AP1G1: variants seen among roughly 807,000 people sequenced by gnomAD.
AP1G1 encodes adaptor related protein complex 1 subunit gamma 1.
Under a neutral mutation model 108.3 loss-of-function variants are expected in AP1G1, and 7 were observed. The observed-to-expected ratio is 0.06, with a 90% CI of 0.04 to 0.12. The LOEUF (loss-of-function observed/expected upper bound fraction) is 0.12, where lower values mean the gene tolerates loss of function less well. Ranked by LOEUF, AP1G1 falls within the 10% of genes least tolerant of loss-of-function variation. AP1G1 has a pLI of 1.00. For synonymous variants in AP1G1, 379 were observed against 353.5 expected (o/e 1.07, Z -0.81); for missense variants, 756 against 1,010.7 (o/e 0.75, Z 3.42).
chr16:71,777,938 T>C, intron 2 of AP1G1: 2 of 182,884 alleles, frequency 1.1e-5, no homozygotes, highest in South Asian at 9.9e-5. Flanking sequence ...ATTGTGACAG[T>C]GGTGGCGGCA....
intron 3 of AP1G1, among the ~76,000 whole-genome samples, chr16:71,774,058 T>A (rs2031679407): frequency 7.3e-6 from 1 of 137,376 alleles, no homozygotes; most frequent in African/African-American, 2.8e-5. Context: ...CGAGACTCCG[T>A]CTCAAAAAGA....
At chr16:71,767,189 C>G (rs9930015) in intron 6 of AP1G1, among the ~76,000 whole-genome samples, 131,022 of 152,148 alleles carry the variant, frequency 0.86, 56,568 homozygotes, top group East Asian at 0.99. Flanking sequence ...CATCACATAA[C>G]ATTACCCTGG....
intron 13 of AP1G1, 77 bp downstream of exon 13, chr16:71,753,756 T>C: frequency 7.5e-7 from 1 of 1,330,360 alleles, no homozygotes; most frequent in Non-Finnish European, 1.1e-6. Context: ...CTTACCTCCC[T>C]GACTAGAACA....
intron 21 of AP1G1, 134 bp from the exon 22 acceptor site, chr16:71,734,841 T>TG: frequency 1.5e-6 from 1 of 673,216 alleles, no homozygotes; most frequent in Non-Finnish European, 2.6e-6. Flanking sequence ...GCCTACTACT[T>TG]GTTTTCTAGA....
intron 9 of AP1G1, among the ~76,000 whole-genome samples, chr16:71,761,970 G>A (rs982255366): frequency 6.6e-6 from 1 of 151,972 alleles, no homozygotes; most frequent in African/African-American, 2.4e-5. Context: ...GGGAAATCTG[G>A]CAATAACTAT....
intron 5 of AP1G1, among the ~76,000 whole-genome samples, chr16:71,770,384 A>G (rs7204967): frequency 0.87 from 132,190 of 152,222 alleles, 57,530 homozygotes; most frequent in East Asian, 0.99. Context: ...AAAATGTTTG[A>G]GAAAAGAACA....
chr16:71,790,120 T>A (rs1326591783), intron 1 of AP1G1, among the ~76,000 whole-genome samples: 7 of 148,398 alleles, frequency 4.7e-5, no homozygotes, highest in Admixed American at 1.3e-4. Flanking sequence ...AAAACGTTAA[T>A]AAGGGACATA....
At chr16:71,752,873 T>C (rs946178656) in intron 13 of AP1G1, among the ~76,000 whole-genome samples, 1 of 152,220 alleles carries the variant, frequency 6.6e-6, no homozygotes, top group African/African-American at 2.4e-5. Context: ...TTTTTTCAAA[T>C]GTTAATTAGC....
chr16:71,746,566 T>C lies in AP1G1; in HGVS notation c.1730+22A>G. 4 of 1,431,668 alleles carry C rather than the reference T, an allele frequency of 2.8e-6. No individual in the cohort carries two copies. In the East Asian group the frequency reaches 6.9e-5, roughly 25 times the overall value. 88.7% of individuals were successfully genotyped at this position (1,431,668 alleles called of 1,614,324 possible). A position where few individuals can be genotyped will look rare whatever the true frequency, so the allele number is the denominator to read the frequency against. On this transcript the variant is annotated intron_variant, in intron 17 of 22. Transcript: ENST00000299980. ...GTCAGGATGCTAAGAGATACACGCA[T>C]TGCTTAGTTTCTTTCGCTCACCTCA...
At chr16:71,734,847 C>G in intron 21 of AP1G1, 140 bp from the exon 22 acceptor site, 3 of 657,930 alleles carry the variant, frequency 4.6e-6, no homozygotes, top group South Asian at 3.7e-5. Flanking sequence ...TACTTGTTTT[C>G]TAGATATCAG....
In AP1G1 at chr16:71,733,035, A is replaced by G; in HGVS notation, c.*23T>C. 6.3e-7 allele frequency: 1 copy of G among 1,583,980 alleles called. No individual in the cohort carries two copies. The highest frequency in any genetic ancestry group is 8.7e-7 in the Non-Finnish European group (1 of 1,155,610). On this transcript the variant is annotated 3_prime_UTR_variant, in exon 23 of 23. Coordinates refer to ENST00000299980, the MANE Select transcript of AP1G1 (RefSeq NM_001128.6). ...GAGTTCCTTTGATTGAGTGGGATAA[A>G]GAATGAGAATGGTGCCAAACCCTCA...
At chr16:71,804,207 C>T (rs560838760) in intron 1 of AP1G1, among the ~76,000 whole-genome samples, 1 of 151,170 alleles carries the variant, frequency 6.6e-6, no homozygotes, top group East Asian at 2.0e-4. Flanking sequence ...CCATCATGCC[C>T]AGCTAATTTT....
chr16:71,770,573 G>A (rs2031530980), intron 5 of AP1G1, among the ~76,000 whole-genome samples: 1 of 152,176 alleles, frequency 6.6e-6, no homozygotes, highest in South Asian at 2.1e-4. Context: ...TGCCTCCCAG[G>A]TACAAGCCAT....
rs769517798 is a variant in AP1G1 at position 71,750,191 on chromosome 16, A to G, written c.1407+19T>C. The G allele has an allele frequency of 4.3e-6, 7 of 1,610,214 alleles. No homozygotes were observed. In the African/African-American group the frequency reaches 9.4e-5, roughly 22 times the overall value. On this transcript the variant is annotated intron_variant, in intron 14 of 22. Coordinates refer to ENST00000299980, the MANE Select transcript of AP1G1 (RefSeq NM_001128.6). ...TGAGGGTAAAATTACCCCCTAAAAT[A>G]GTTGAATGAAGTACTTACTTGAGAA... is the stretch of plus-strand genomic sequence containing the variant.
At chr16:71,739,422 G>T in intron 19 of AP1G1, 81 bp from the exon 20 acceptor site, 1 of 1,130,642 alleles carries the variant, frequency 8.8e-7, no homozygotes, top group South Asian at 1.7e-5. Context: ...AAATTATTTC[G>T]GTCTCAGGTT....
chr16:71,787,245 G>C lies in AP1G1; in HGVS notation c.201+2034C>G, dbSNP rs568472683. On this transcript the variant is annotated intron_variant, in intron 2 of 22. Coordinates refer to ENST00000299980, the MANE Select transcript of AP1G1 (RefSeq NM_001128.6). ...GAGGCAGAAGAATCTTTTGAACCCA[G>C]TAGGTGGAGGTTGAAGTGAGCCGAG... is the stretch of plus-strand genomic sequence containing the variant. Among the ~76,000 whole-genome samples the C allele has an allele frequency of 2.7e-5, 4 of 148,546 alleles. No individual in the cohort carries two copies. In the South Asian group the frequency reaches 8.5e-4, roughly 31 times the overall value.
intron 6 of AP1G1, among the ~76,000 whole-genome samples, chr16:71,768,756 A>G (rs1251877864): frequency 7.1e-6 from 1 of 140,918 alleles, no homozygotes; most frequent in Non-Finnish European, 1.5e-5. Flanking sequence ...TCTACTAAAA[A>G]TACAAAAAAT....
chr16:71,802,935 C>G (rs2032859355), intron 1 of AP1G1, among the ~76,000 whole-genome samples: 1 of 152,064 alleles, frequency 6.6e-6, no homozygotes, highest in Non-Finnish European at 1.5e-5. Context: ...AATATTTTAG[C>G]CAGGCTCGGT....
chr16:71,808,368 A>G (rs2033072026), intron 1 of AP1G1: 1 of 870,166 alleles, frequency 1.1e-6, no homozygotes, highest in Non-Finnish European at 1.5e-6. Context: ...TGACACGGGT[A>G]CAAGACACAA....
Sources: gnomAD v4.1 joint callset for allele counts (sites outside exome capture counted in the v4.1 genomes callset) on GRCh38, gnomAD v4.1.1 for gene constraint, MANE v1.5 for transcripts, NCBI Gene and HGNC (gene_info 2026-07-23, HGNC 2026-07-21) for gene names.